SDCCAG8: variants seen among roughly 807,000 people sequenced by gnomAD.
SDCCAG8 encodes serologically defined colon cancer antigen 8.
A neutral mutation model predicts 101.8 loss-of-function variants in SDCCAG8; 74 were observed. The observed-to-expected ratio is 0.73, with a 90% CI of 0.60 to 0.88. The LOEUF is 0.88. SDCCAG8 is among the 40% of genes least tolerant of loss of function. SDCCAG8 has a pLI of 0.00. For synonymous variants in SDCCAG8, 281 were observed against 292.9 expected, an observed-to-expected ratio of 0.96 and a Z score of 0.41; for missense variants, 787 against 822.6, an observed-to-expected ratio of 0.96 and a Z score of 0.53.
intron 16 of SDCCAG8, among the ~76,000 whole-genome samples, chr1:243,437,450 C>T (rs2082210293): frequency 6.6e-6 from 1 of 151,976 alleles, no homozygotes; most frequent in South Asian, 2.1e-4. Flanking sequence ...ACTGGCATGT[C>T]ACCCAGGTTT....
chr1:243,349,734 G>A (rs1200297636), intron 12 of SDCCAG8, among the ~76,000 whole-genome samples: 4 of 152,092 alleles, frequency 2.6e-5, no homozygotes, highest in Non-Finnish European at 4.4e-5. Flanking sequence ...TTGGATGGGA[G>A]TGTAAATACC....
At position 243,477,410 on chromosome 1, in the gene SDCCAG8, G is replaced by T. The variant is rs1002728027; in HGVS notation, c.1986-11604G>T. Among the ~76,000 whole-genome samples the T allele has an allele frequency of 2.0e-5, 3 of 152,280 alleles. No individual in the cohort carries two copies. The South Asian group carries it at 6.2e-4, about 32-fold the overall frequency. On this transcript the variant is annotated intron_variant, in intron 16 of 17. Coordinates refer to ENST00000366541, the MANE Select transcript of SDCCAG8 (RefSeq NM_006642.5). ...CTGATTAAGGTAACTCTTACTTCAG[G>T]CAGATGGTCTTCTAGGTTCTTCAAA...
intron 16 of SDCCAG8, among the ~76,000 whole-genome samples, chr1:243,456,118 A>G (rs1011751231): frequency 4.6e-5 from 7 of 152,082 alleles, no homozygotes; most frequent in Non-Finnish European, 8.8e-5. Context: ...CCAACTCCTT[A>G]TTCATCGAAT....
chr1:243,328,796 A>G (rs779593551), intron 9 of SDCCAG8, among the ~76,000 whole-genome samples: 2 of 151,972 alleles, frequency 1.3e-5, no homozygotes, highest in Admixed American at 6.5e-5. Flanking sequence ...AGGATTATTT[A>G]CTGTTGCTTG....
chr1:243,298,647 A>T (rs1189434873), intron 6 of SDCCAG8, among the ~76,000 whole-genome samples: 2 of 152,020 alleles, frequency 1.3e-5, no homozygotes, highest in East Asian at 3.9e-4. Flanking sequence ...TTAGATCTAC[A>T]ACCTACCTGG....
At chr1:243,455,842 T>C (rs1034114261) in intron 16 of SDCCAG8, among the ~76,000 whole-genome samples, 1 of 152,250 alleles carries the variant, frequency 6.6e-6, no homozygotes, top group Non-Finnish European at 1.5e-5. Flanking sequence ...ATTAGAACCC[T>C]CTGTGTGTGC....
At chr1:243,305,088 C>T (rs1462628524) in intron 7 of SDCCAG8, 8 of 301,864 alleles carry the variant, frequency 2.7e-5, no homozygotes, top group East Asian at 9.6e-5. Flanking sequence ...GGGCGAATCA[C>T]GAGGTCAAGA....
chr1:243,259,400 C>G (rs953166130), intron 1 of SDCCAG8, among the ~76,000 whole-genome samples: 4 of 151,976 alleles, frequency 2.6e-5, no homozygotes, highest in African/African-American at 9.7e-5. Flanking sequence ...GAGCGAGACT[C>G]TGTCTCAAAA....
chr1:243,391,520 C>T (rs2078695814), intron 13 of SDCCAG8, among the ~76,000 whole-genome samples: 1 of 152,212 alleles, frequency 6.6e-6, no homozygotes, highest in Admixed American at 6.5e-5. Context: ...GGCCTCTCCC[C>T]AGCAGGCAGG....
chr1:243,256,650 C>T (rs1178508919), intron 1 of SDCCAG8, among the ~76,000 whole-genome samples: 1 of 152,174 alleles, frequency 6.6e-6, no homozygotes, highest in Non-Finnish European at 1.5e-5. Flanking sequence ...GGGGGAAACA[C>T]TAATAATTAT....
rs528082733 is a variant in SDCCAG8, at chr1:243,387,905, G to A, written c.1616+9042G>A. 9.2e-5 allele frequency among the ~76,000 whole-genome samples: 14 copies of A among 152,100 alleles called. No homozygotes were observed. The South Asian group carries it at 1.9e-3, about 20-fold the overall frequency. ...TAATTTTTGTATTTTTAGTAGAGAC[G>A]GGGTTTCACCATGTTGGCCAGACTG... On this transcript the variant is annotated intron_variant, in intron 13 of 17. Transcript: ENST00000366541.
intron 6 of SDCCAG8, among the ~76,000 whole-genome samples, chr1:243,297,946 T>G (rs893919903): frequency 6.6e-6 from 1 of 152,178 alleles, no homozygotes; most frequent in African/African-American, 2.4e-5. Context: ...TTTGTTTTCC[T>G]TAATTATGTA....
At chr1:243,490,680 C>T (rs1662704365) in intron 17 of SDCCAG8, among the ~76,000 whole-genome samples, 1 of 152,258 alleles carries the variant, frequency 6.6e-6, no homozygotes, top group Admixed American at 6.5e-5. Context: ...GGCCCTTGGG[C>T]ACACAGGCTG....
At chr1:243,419,909 G>A (rs914959115) in intron 15 of SDCCAG8, among the ~76,000 whole-genome samples, 2 of 152,162 alleles carry the variant, frequency 1.3e-5, no homozygotes, top group South Asian at 2.1e-4. Flanking sequence ...ATCTTAGCCT[G>A]TACTGGTCTA....
chr1:243,480,810 A>ATGGG (rs1663546867), intron 16 of SDCCAG8, among the ~76,000 whole-genome samples: 1 of 78,706 alleles, frequency 1.3e-5, no homozygotes, highest in Non-Finnish European at 2.6e-5. Flanking sequence ...GGATGGATGG[A>ATGGG]TGGGTGGGAT....
At chr1:243,480,865 TGGATGGATGGGTG>T (rs1663597225) in intron 16 of SDCCAG8, among the ~76,000 whole-genome samples, 2 of 60,494 alleles carry the variant, frequency 3.3e-5, no homozygotes, top group Non-Finnish European at 6.3e-5. Context: ...GATGGGTGGA[TGGATGGATGGGTG>T]GGATGGATGG....
intron 16 of SDCCAG8, among the ~76,000 whole-genome samples, chr1:243,450,478 C>T (rs1220783837): frequency 6.6e-6 from 1 of 152,188 alleles, no homozygotes; most frequent in African/African-American, 2.4e-5. Flanking sequence ...GATAGGAATT[C>T]TGCAGACCTT....
At chr1:243,277,942 T>C (rs2068714558) in intron 4 of SDCCAG8, among the ~76,000 whole-genome samples, 1 of 152,210 alleles carries the variant, frequency 6.6e-6, no homozygotes, top group Non-Finnish European at 1.5e-5. Context: ...ATCAGTACTC[T>C]AATTTTGTTC....
intron 16 of SDCCAG8, among the ~76,000 whole-genome samples, chr1:243,446,725 C>A (rs985611784): frequency 1.8e-4 from 28 of 152,150 alleles, no homozygotes; most frequent in African/African-American, 6.5e-4. Context: ...CCATCCATAG[C>A]TACTTGGCAA....
Sources: allele counts gnomAD v4.1 joint callset (sites outside exome capture counted in the v4.1 genomes callset), GRCh38; gene constraint gnomAD v4.1.1; transcripts MANE v1.5; gene names NCBI Gene and HGNC (gene_info 2026-07-23, HGNC 2026-07-21).